The following SPON1 variants were observed in gnomAD, a reference collection of about 807,000 sequenced individuals.
The protein encoded by SPON1 is spondin-1.
Under a neutral mutation model 111.7 loss-of-function variants are expected in SPON1, and 52 were observed. The observed-to-expected ratio is 0.47, with a 90% CI of 0.37 to 0.59. The LOEUF is 0.59. SPON1 is among the 20% of genes least tolerant of loss of function. The pLI is 0.00. For missense variants in SPON1, 957 were observed against 1,068.5 expected (o/e 0.90, Z 1.46); for synonymous variants, 410 against 395.8 (o/e 1.04, Z -0.43).
rs183205848 is a variant in SPON1 at position 14,218,675 on chromosome 11, A to G, written c.826-24657A>G. On this transcript the variant is annotated intron_variant, in intron 6 of 15. Transcript: ENST00000576479. ...CAACGGGATTGCCTAGAGACCCATG[A>G]AATGTTATCTGAGCCATGTCTTCAT... Among the ~76,000 whole-genome samples the G allele has an allele frequency of 9.8e-5, 15 of 152,316 alleles. No homozygotes were observed. The East Asian group carries it at 2.5e-3, about 25-fold the overall frequency.
rs577184204 is a variant in SPON1 at position 14,175,994 on chromosome 11, AC to A, written c.825+40427del. Among the ~76,000 whole-genome samples the A allele has an allele frequency of 3.2e-3, 489 of 152,246 alleles. 1 individual carries two copies. The highest frequency in any genetic ancestry group is 0.011 in the African/African-American group (463 of 41,530). On this transcript the variant is annotated intron_variant, in intron 6 of 15. Transcript: ENST00000576479. ...CCACTATCAGCCTGGCAAAGCTCAA[AC>A]TTTTTCCCATTGGTCCCTGTCATCT...
At chr11:14,128,476 C>T (rs1308137878) in intron 5 of SPON1, among the ~76,000 whole-genome samples, 1 of 152,242 alleles carries the variant, frequency 6.6e-6, no homozygotes, top group South Asian at 2.1e-4. Context: ...GAGGTGGGCT[C>T]CCGAGGCCTT....
chr11:14,100,236 GAC>G (rs1849133095), intron 5 of SPON1, among the ~76,000 whole-genome samples: 1 of 151,442 alleles, frequency 6.6e-6, no homozygotes, highest in South Asian at 2.1e-4. Context: ...GTTACCTAGT[GAC>G]ACACAAGTAT....
At chr11:14,058,682 C>T (rs1194725575) in intron 3 of SPON1, among the ~76,000 whole-genome samples, 3 of 152,186 alleles carry the variant, frequency 2.0e-5, no homozygotes, top group Non-Finnish European at 4.4e-5. Context: ...TCTTCTTTAT[C>T]GCTTCCTTTG....
chr11:14,254,802 G>T lies in SPON1; in HGVS notation c.1092+73G>T, dbSNP rs576245984. ...TCCTGAGTGTCCTGGACACAGAGGG[G>T]ATCTGTCCCAGGCTCTGTCCTAGGT... is the stretch of plus-strand genomic sequence containing the variant. On this transcript the variant is annotated intron_variant, in intron 8 of 15. Coordinates refer to ENST00000576479, the MANE Select transcript of SPON1 (RefSeq NM_006108.4). The T allele has an allele frequency of 4.7e-5, 69 of 1,456,572 alleles. 1 individual carries two copies. The South Asian group carries it at 7.2e-4, about 15-fold the overall frequency. The allele number at this position is 1,456,572 out of a possible 1,614,324, so 90.2% of individuals were successfully genotyped here. A position where few individuals can be genotyped will look rare whatever the true frequency, so the allele number is the denominator to read the frequency against.
intron 2 of SPON1, among the ~76,000 whole-genome samples, chr11:14,002,929 T>A (rs1437339932): frequency 6.6e-6 from 1 of 152,154 alleles, no homozygotes. Context: ...ACCTCATTTC[T>A]CTGCCCCACC....
chr11:14,002,724 T>A (rs1848328355), intron 2 of SPON1, among the ~76,000 whole-genome samples: 1 of 152,050 alleles, frequency 6.6e-6, no homozygotes, highest in East Asian at 1.9e-4. Context: ...TTCCCAGAAC[T>A]GGAAAACCCC....
At chr11:14,160,147 T>G (rs1175421777) in intron 6 of SPON1, among the ~76,000 whole-genome samples, 1 of 151,480 alleles carries the variant, frequency 6.6e-6, no homozygotes, top group Non-Finnish European at 1.5e-5. Flanking sequence ...AATCATCTCA[T>G]GTACCTCATA....
intron 6 of SPON1, among the ~76,000 whole-genome samples, chr11:14,235,023 G>C (rs1308176176): frequency 6.6e-6 from 1 of 152,202 alleles, no homozygotes; most frequent in Non-Finnish European, 1.5e-5. Context: ...GAACCTGTGA[G>C]CTCTGACCAC....
intron 5 of SPON1, among the ~76,000 whole-genome samples, chr11:14,134,150 G>C (rs1847563892): frequency 6.6e-6 from 1 of 151,434 alleles, no homozygotes; most frequent in Non-Finnish European, 1.5e-5. Flanking sequence ...AATGTTAGTT[G>C]GGTTCACCCA....
At chr11:14,038,487 AAAAC>A (rs1334706422) in intron 2 of SPON1, among the ~76,000 whole-genome samples, 6 of 152,138 alleles carry the variant, frequency 3.9e-5, no homozygotes, top group South Asian at 2.1e-4. Flanking sequence ...AAAACAAAAC[AAAAC>A]AAACAACTCA....
chr11:14,111,852 T>C (rs554260637), intron 5 of SPON1, among the ~76,000 whole-genome samples: 1 of 152,290 alleles, frequency 6.6e-6, no homozygotes, highest in African/African-American at 2.4e-5. Context: ...ACATCTTAAC[T>C]CTTTTGAAAT....
intron 5 of SPON1, among the ~76,000 whole-genome samples, chr11:14,093,893 T>C (rs1197873470): frequency 2.0e-5 from 3 of 152,184 alleles, no homozygotes; most frequent in African/African-American, 7.2e-5. Flanking sequence ...GGTCTTTTGC[T>C]AACATAGAAA....
chr11:14,135,197 C>T lies in SPON1; in HGVS notation c.677-223C>T, dbSNP rs534528032. The T allele has an allele frequency of 1.3e-5, 6 of 446,858 alleles. No individual in the cohort carries two copies. The highest frequency in any genetic ancestry group is 5.8e-5 in the African/African-American group (3 of 51,886). The allele number at this position is 446,858 out of a possible 1,614,324, so 27.7% of individuals were successfully genotyped here. On this transcript the variant is annotated intron_variant, in intron 5 of 15. Coordinates refer to ENST00000576479, the MANE Select transcript of SPON1 (RefSeq NM_006108.4). The surrounding 1 kb of genome is among the most constrained non-coding windows in gnomAD (Gnocchi z 4.4). ...AGAACGCATCTCTGGGCTGCCTCTG[C>T]GTCTTGTTCAACATCTGCTGTTGAC...
At chr11:14,236,414 A>T (rs10219255) in intron 6 of SPON1, among the ~76,000 whole-genome samples, 58,752 of 151,786 alleles carry the variant, frequency 0.39, 11,564 homozygotes, top group East Asian at 0.49. Context: ...GGGCTTAGGG[A>T]GGGGAAGATC....
chr11:14,063,005 CT>C (rs1468281458), intron 3 of SPON1, among the ~76,000 whole-genome samples: 1 of 151,710 alleles, frequency 6.6e-6, no homozygotes, highest in Non-Finnish European at 1.5e-5. Context: ...CTCCTTCCCT[CT>C]TTTTTTCCTC....
chr11:14,095,478 A>G (rs1554923814), intron 5 of SPON1, among the ~76,000 whole-genome samples: 1 of 152,126 alleles, frequency 6.6e-6, no homozygotes, highest in African/African-American at 2.4e-5. Flanking sequence ...GAATTGGCTC[A>G]CATGATTATG....
At chr11:13,989,545 T>C (rs2133785761) in intron 2 of SPON1, among the ~76,000 whole-genome samples, 1 of 152,338 alleles carries the variant, frequency 6.6e-6, no homozygotes, top group African/African-American at 2.4e-5. Flanking sequence ...CTCTATCTCC[T>C]TCAGTTCTGC....
At chr11:14,129,573 T>A (rs75585066) in intron 5 of SPON1, among the ~76,000 whole-genome samples, 3,314 of 152,290 alleles carry the variant, frequency 0.022, 123 homozygotes, top group African/African-American at 0.075. Flanking sequence ...GAAGTTCCAA[T>A]CTATCCCACA....
Sources: allele counts gnomAD v4.1 joint callset (sites outside exome capture counted in the v4.1 genomes callset), GRCh38; gene constraint gnomAD v4.1.1; non-coding constraint Gnocchi (gnomAD v3.1); transcripts MANE v1.5; gene names NCBI Gene and HGNC (gene_info 2026-07-23, HGNC 2026-07-21).